The following KLB variants were observed in gnomAD, a reference collection of about 807,000 sequenced individuals.
KLB encodes the protein beta-klotho.
KLB carries 44 observed loss-of-function variants against 88.4 expected under a neutral mutation model. That is an observed-to-expected ratio of 0.50 (90% CI 0.39 to 0.64). The LOEUF is 0.64. Among genes scored for constraint, KLB ranks in the 30% least tolerant of loss-of-function variants. The probability of loss-of-function intolerance (pLI) is 0.00; values close to 1 mark genes in which losing one functional copy is unlikely to be tolerated. For missense variants in KLB, 1,137 were observed against 1,304.8 expected (o/e 0.87, Z 1.98); for synonymous variants, 548 against 513.4 (o/e 1.07, Z -0.91).
intron 1 of KLB, among the ~76,000 whole-genome samples, chr4:39,421,190 C>T (rs780072536): frequency 6.6e-6 from 1 of 152,038 alleles, no homozygotes; most frequent in African/African-American, 2.4e-5. Flanking sequence ...TATTACAGTG[C>T]CTTGTATTTG....
intron 1 of KLB, among the ~76,000 whole-genome samples, chr4:39,433,839 G>T (rs561203650): frequency 1.3e-5 from 2 of 152,004 alleles, no homozygotes. Flanking sequence ...CAGCCTAGGC[G>T]ACAGAGAAAG....
intron 2 of KLB, among the ~76,000 whole-genome samples, chr4:39,435,593 G>A (rs999580264): frequency 6.6e-6 from 1 of 151,186 alleles, no homozygotes; most frequent in Admixed American, 6.6e-5. Flanking sequence ...GCCCAGCTAA[G>A]TTTTGTATTT....
rs200211529 is a variant in KLB, at chr4:39,448,637, A to T, written c.3086A>T (p.Lys1029Ile). Reference protein sequence around the residue: ...RQKRRKFWKAKNLQHIPLKKG... With the variant: ...RQKRRKFWKAINLQHIPLKKG... ...AAGAGAAGAAAGTTTTGGAAAGCAA[A>T]AAACTTACAACACATACCATTAAAG... The change falls in exon 5 of 5, where the codon AAA becomes ATA. Residue 1029 changes from lysine (K) to isoleucine (I), a missense_variant. Physicochemically the swap from Lys to Ile is moderately radical, Grantham distance 102 (BLOSUM62 -3). Transcript: ENST00000257408. 211 of 1,613,600 alleles carry T rather than the reference A, an allele frequency of 1.3e-4. No homozygotes were observed. The highest frequency in any genetic ancestry group is 1.6e-4 in the Non-Finnish European group (191 of 1,180,010).
intron 1 of KLB, among the ~76,000 whole-genome samples, chr4:39,417,231 G>A (rs181262392): frequency 2.0e-5 from 3 of 151,878 alleles, no homozygotes; most frequent in East Asian, 3.9e-4. Flanking sequence ...AAAGAAAGAG[G>A]GTTAAAACAA....
rs1307207497 is a variant in KLB, at chr4:39,446,980, C to A, written c.2254C>A (p.Pro752Thr). 6.2e-7 allele frequency: 1 copy of A among 1,608,804 alleles called. No homozygotes were observed. The highest frequency in any genetic ancestry group is 8.5e-7 in the Non-Finnish European group (1 of 1,179,922). Residue 752 changes from proline to threonine, a missense_variant, in exon 4 of 5, where the codon CCC (proline) becomes ACC (threonine). Pro to Thr is a conservative substitution (Grantham distance 38, BLOSUM62 -1). Coordinates refer to ENST00000257408, the MANE Select transcript of KLB (RefSeq NM_175737.4). The surrounding 1 kb of genome is among the most constrained non-coding windows in gnomAD (Gnocchi z 6.4). ...CGCGGACTGGGCGGAACCCGCCAAC[C>A]CCTATGCTGACTCGCACTGGAGGGC... is the stretch of plus-strand genomic sequence containing the variant. ...LHADWAEPAN[P>T]YADSHWRAAE...
At chr4:39,448,129 C>T (rs79682481) in intron 4 of KLB, among the ~76,000 whole-genome samples, 172 bp from the exon 5 acceptor site, 6 of 152,148 alleles carry the variant, frequency 3.9e-5, no homozygotes, top group Admixed American at 1.3e-4. Context: ...CATATTTTCA[C>T]CTTCTCCTTT....
At chr4:39,444,135 C>T (rs757213015) in intron 3 of KLB, among the ~76,000 whole-genome samples, 6 of 152,064 alleles carry the variant, frequency 3.9e-5, no homozygotes, top group African/African-American at 1.2e-4. Flanking sequence ...CCAGCCTGGG[C>T]GACAAGAACA....
chr4:39,407,891 C>A, intron 1 of KLB, 117 bp downstream of exon 1: 2 of 598,234 alleles, frequency 3.3e-6, no homozygotes. Flanking sequence ...TAAGCTAATT[C>A]AAAAGATCTA....
chr4:39,437,966 T>A lies in KLB; in HGVS notation c.1576T>A (p.Ser526Thr). ...GCAGGGCCAGTTTCCCTGTGACTTCTCCTGGGGTGTCACTGAATCTGTTCT... is the reference window on the plus strand; with the variant it reads ...GCAGGGCCAGTTTCCCTGTGACTTCACCTGGGGTGTCACTGAATCTGTTCT... ...DVQGQFPCDFSWGVTESVLKP... is the reference protein window; with the variant it reads ...DVQGQFPCDFTWGVTESVLKP... Residue 526 changes from serine (S) to threonine (T), a missense_variant, in exon 3 of 5, where the codon TCC becomes ACC. This residue lies in a region of KLB where 597 missense variants were observed against 765.2 expected (regional missense o/e 0.78). Coordinates refer to ENST00000257408, the MANE Select transcript of KLB (RefSeq NM_175737.4). 6.2e-7 allele frequency: 1 copy of A among 1,614,104 alleles called. No homozygotes were observed. Among genetic ancestry groups the A allele is most frequent in the South Asian group, 1.1e-5 (1 of 91,050 alleles).
At position 39,447,602 on chromosome 4, in the gene KLB, G is replaced by T. The variant is rs1460720338; in HGVS notation, c.2749+127G>T. 11 of 757,064 alleles carry T rather than the reference G, an allele frequency of 1.5e-5. No homozygotes were observed. In the East Asian group the frequency reaches 3.3e-4, roughly 23 times the overall value. 46.9% of individuals were successfully genotyped at this position (757,064 alleles called of 1,614,324 possible). On this transcript the variant is annotated intron_variant, in intron 4 of 4. Coordinates refer to ENST00000257408, the MANE Select transcript of KLB (RefSeq NM_175737.4). ...TTGTGGCACCCAAGTCCTGTCAATT[G>T]AATTTTGTCCTGAAAACTGGCCTAT...
intron 1 of KLB, among the ~76,000 whole-genome samples, chr4:39,414,408 A>T (rs1742922308): frequency 6.6e-6 from 1 of 152,072 alleles, no homozygotes; most frequent in Non-Finnish European, 1.5e-5. Context: ...GAGAATAAAG[A>T]CTGTCCCTCC....
rs936272976 is a variant in KLB, at chr4:39,407,900, T to G, written c.825+126T>G. 1.0e-5 allele frequency: 6 copies of G among 572,512 alleles called. No individual in the cohort carries two copies. In the African/African-American group the frequency reaches 1.1e-4, roughly 11 times the overall value. 35.5% of individuals were successfully genotyped at this position (572,512 alleles called of 1,614,324 possible). On this transcript the variant is annotated intron_variant, in intron 1 of 4. Transcript: ENST00000257408. ...TGATTTTAAGCTAATTCAAAAGATCTATCCTCAAATTTTGCATTTAAGTTA... is the reference window on the plus strand; with the variant it reads ...TGATTTTAAGCTAATTCAAAAGATCGATCCTCAAATTTTGCATTTAAGTTA...
In KLB at chr4:39,428,076, A is replaced by G. The variant is rs571625093; in HGVS notation, c.826-6134A>G. Among the ~76,000 whole-genome samples the G allele has an allele frequency of 9.1e-4, 139 of 152,310 alleles. 1 individual carries two copies. Among genetic ancestry groups the G allele is most frequent in the Non-Finnish European group, 1.5e-3 (102 of 68,032 alleles). On this transcript the variant is annotated intron_variant, in intron 1 of 4. Coordinates refer to ENST00000257408, the MANE Select transcript of KLB (RefSeq NM_175737.4). ...GTTTTATATCCCATGGTCACAGAAC[A>G]CTCACACCAGTGGACAAAATGTATG...
At chr4:39,422,934 T>G (rs1335080810) in intron 1 of KLB, among the ~76,000 whole-genome samples, 1 of 151,758 alleles carries the variant, frequency 6.6e-6, no homozygotes, top group Non-Finnish European at 1.5e-5. Flanking sequence ...GCCTGGCTAA[T>G]TTTTGTATTC....
At position 39,434,432 on chromosome 4, in the gene KLB, T is replaced by C. The variant is rs916161375; in HGVS notation, c.1048T>C (p.Ser350Pro). 1 of 1,614,190 alleles carries C rather than the reference T, an allele frequency of 6.2e-7. No homozygotes were observed. ...AGAGGGGATGAGAAAGAAGTTGTTC[T>C]CCGTTCTACCCATTTTCTCTGAAGC... ...YPEGMRKKLF[S>P]VLPIFSEAEK... The change falls in exon 2 of 5, where the codon TCC becomes CCC. Residue 350 changes from serine (S) to proline (P), a missense_variant. Physicochemically the swap from Ser to Pro is moderately conservative, Grantham distance 74 (BLOSUM62 -1). Around this residue, in one of 4 missense-constraint regions of KLB, gnomAD observed 597 missense variants for 765.2 expected, o/e 0.78. Coordinates refer to ENST00000257408, the MANE Select transcript of KLB (RefSeq NM_175737.4).
At chr4:39,439,664 C>CTT (rs56870853) in intron 3 of KLB, among the ~76,000 whole-genome samples, 13 of 136,010 alleles carry the variant, frequency 9.6e-5, no homozygotes, top group African/African-American at 2.1e-4. Context: ...GCAAATTTTT[C>CTT]TTTTTTTTTT....
chr4:39,431,615 A>G (rs531497019), intron 1 of KLB, among the ~76,000 whole-genome samples: 128 of 152,372 alleles, frequency 8.4e-4, no homozygotes, highest in African/African-American at 2.5e-3. Context: ...GAATCTTCCA[A>G]TGAAAATTGA....
intron 3 of KLB, among the ~76,000 whole-genome samples, chr4:39,445,301 C>T (rs2109844624): frequency 6.6e-6 from 1 of 152,264 alleles, no homozygotes; most frequent in East Asian, 1.9e-4. Flanking sequence ...GAGTCCAGGG[C>T]TCTCTCCTTC....
rs777488149 is a variant in KLB at position 39,446,916 on chromosome 4, C to T, written c.2190C>T (p.Phe730=). The T allele has an allele frequency of 1.1e-5, 18 of 1,605,022 alleles. No homozygotes were observed. The highest frequency in any genetic ancestry group is 1.4e-5 in the Non-Finnish European group (17 of 1,178,884). The part of the protein sequence containing the change: ...ALAWRLYDRQ[F]RPSQRGAVSL... The stretch of plus-strand genomic sequence containing the variant: ...CCTGGCGCCTCTACGACCGGCAGTT[C>T]AGGCCCTCACAGCGCGGGGCCGTGT... The change falls in exon 4 of 5, where the codon TTC becomes TTT. Residue 730 remains phenylalanine (F), a synonymous_variant. Coordinates refer to ENST00000257408, the MANE Select transcript of KLB (RefSeq NM_175737.4). This position sits in a 1 kb window ranked among gnomAD's most constrained non-coding sequence, Gnocchi z 6.4.
Sources: allele counts gnomAD v4.1 joint callset (sites outside exome capture counted in the v4.1 genomes callset), GRCh38; gene constraint gnomAD v4.1.1; regional missense constraint gnomAD v4.1.1; non-coding constraint Gnocchi (gnomAD v3.1); transcripts MANE v1.5; gene names NCBI Gene and HGNC (gene_info 2026-07-23, HGNC 2026-07-21).